FAM217B: variants seen among roughly 807,000 people sequenced by gnomAD.
The protein encoded by FAM217B is protein FAM217B.
For missense variants in FAM217B, 463 were observed against 456.9 expected, an observed-to-expected ratio of 1.01 and a Z score of -0.12; for synonymous variants, 163 against 173.0, an observed-to-expected ratio of 0.94 and a Z score of 0.45.
In FAM217B at chr20:59,945,403, C is replaced by G. The variant is rs905022630; in HGVS notation, c.*308C>G. The G allele has an allele frequency of 3.6e-6, 1 of 279,436 alleles. No individual in the cohort carries two copies. Among genetic ancestry groups the G allele is most frequent in the African/African-American group, 2.3e-5 (1 of 44,080 alleles). 17.3% of individuals were successfully genotyped at this position (279,436 alleles called of 1,614,324 possible). On this transcript the variant is annotated 3_prime_UTR_variant, in exon 4 of 4. Transcript: ENST00000360816. ...TCCAGGGAAAGTGTCAGTGAAACCT[C>G]AGCTACAGTAGCCGGTCTGTGTAGA... is the stretch of plus-strand genomic sequence containing the variant.
Position 59,946,896 on chromosome 20 carries a change from CT to C in FAM217B, c.*1807del. On this transcript the variant is annotated 3_prime_UTR_variant, in exon 4 of 4. Transcript: ENST00000360816. ...GATGTCTGTGTGTTCCTTGCCTGCCCTTTTTTGTGAGCACAGATTAGTCTGT... is the reference window on the plus strand; with the variant it reads ...GATGTCTGTGTGTTCCTTGCCTGCCCTTTTTGTGAGCACAGATTAGTCTGT... The C allele has an allele frequency of 6.0e-6, 1 of 167,150 alleles. No individual in the cohort carries two copies. 10.4% of individuals were successfully genotyped at this position (167,150 alleles called of 1,614,324 possible).
At chr20:59,939,903 A>G, upstream of FAM217B, 2 of 1,253,098 alleles carry the variant, frequency 1.6e-6, no homozygotes, top group Non-Finnish European at 2.0e-6. Flanking sequence ...GGCGCTAGGC[A>G]GGACCGCGGA....
At chr20:59,938,794 C>A (rs908337797), upstream of FAM217B, 6 of 387,332 alleles carry the variant, frequency 1.5e-5, no homozygotes, top group African/African-American at 1.0e-4. Flanking sequence ...CACCCTGCCC[C>A]AACTCATTAC....
At chr20:59,939,368 G>T (rs571783929), upstream of FAM217B, 2 of 1,610,646 alleles carry the variant, frequency 1.2e-6, no homozygotes, top group South Asian at 1.1e-5. Flanking sequence ...TACCGCTGAT[G>T]CCAAGGTCCG....
chr20:59,937,850 T>C (rs1262754214), upstream of FAM217B: 2 of 152,482 alleles, frequency 1.3e-5, no homozygotes, highest in Non-Finnish European at 2.9e-5. Flanking sequence ...ATTTTAAAAC[T>C]GACAAACTAG....
rs2060938743 is a variant in FAM217B, at chr20:59,946,661, C to A, written c.*1566C>A. On this transcript the variant is annotated 3_prime_UTR_variant, in exon 4 of 4. Coordinates refer to ENST00000360816, the MANE Select transcript of FAM217B (RefSeq NM_022106.3). ...TTAATTTTCAGACTTGTACAAGTTC[C>A]TTCTTACATTCTTTCCCTCTCACAC... The A allele has an allele frequency of 6.0e-6, 1 of 166,938 alleles. No individual in the cohort carries two copies. Among genetic ancestry groups the A allele is most frequent in the African/African-American group, 2.4e-5 (1 of 41,408 alleles). 10.3% of individuals were successfully genotyped at this position (166,938 alleles called of 1,614,324 possible). A position where few individuals can be genotyped will look rare whatever the true frequency, so the allele number is the denominator to read the frequency against.
rs772026116 is a variant in FAM217B at position 59,944,265 on chromosome 20, T to C, written c.322T>C (p.Ser108Pro). The change falls in exon 4 of 4, where the codon TCT becomes CCT. Residue 108 changes from serine to proline, a missense_variant. Physicochemically the swap from Ser to Pro is moderately conservative, Grantham distance 74 (BLOSUM62 -1). Transcript: ENST00000360816. ...TTCGGAAAGAATTCCCATTCCTCCTTCTCCCCTCACACCTCCAGATCTCAA... is the reference window on the plus strand; with the variant it reads ...TTCGGAAAGAATTCCCATTCCTCCTCCTCCCCTCACACCTCCAGATCTCAA... Reference protein sequence around the residue: ...SDSERIPIPPSPLTPPDLNLR... With the variant: ...SDSERIPIPPPPLTPPDLNLR... 1.4e-5 allele frequency: 23 copies of C among 1,613,890 alleles called. No homozygotes were observed. Among genetic ancestry groups the C allele is most frequent in the Admixed American group, 3.3e-5 (2 of 59,980 alleles).
In FAM217B at chr20:59,944,959, G is replaced by A. The variant is rs2060928939; in HGVS notation, c.1016G>A (p.Cys339Tyr). 1 of 1,614,086 alleles carries A rather than the reference G, an allele frequency of 6.2e-7. No homozygotes were observed. Among genetic ancestry groups the A allele is most frequent in the Admixed American group, 1.7e-5 (1 of 60,006 alleles). Residue 339 changes from cysteine (C) to tyrosine (Y), a missense_variant, in exon 4 of 4, where the codon TGT becomes TAT. Transcript: ENST00000360816. Reference sequence around the variant, plus strand: ...GTGATTCTGGACTCAGCAGATTCCTGTAAGGCCTCCAAAACACAAGCACAT... The same window carrying A: ...GTGATTCTGGACTCAGCAGATTCCTATAAGGCCTCCAAAACACAAGCACAT... ...AAVILDSADS[C>Y]KASKTQAHAH...
upstream of FAM217B, chr20:59,939,712 A>T: frequency 7.6e-7 from 1 of 1,322,026 alleles, no homozygotes. Context: ...CTGGGCAGTG[A>T]GCGCGCCCGC....
At chr20:59,943,608 G>GT (rs1004507039) in intron 3 of FAM217B, among the ~76,000 whole-genome samples, 103 of 148,290 alleles carry the variant, frequency 6.9e-4, no homozygotes, top group Non-Finnish European at 1.1e-3. Context: ...CCAAACTAAT[G>GT]TTTTTTTTTT....
upstream of FAM217B, chr20:59,939,777 G>C: frequency 8.2e-7 from 1 of 1,223,824 alleles, no homozygotes; most frequent in South Asian, 4.1e-5. Context: ...TGGCGTTGGC[G>C]GCGGCGCGCG....
At chr20:59,941,902 G>A (rs1195109190) in intron 1 of FAM217B, among the ~76,000 whole-genome samples, 1 of 151,748 alleles carries the variant, frequency 6.6e-6, no homozygotes, top group African/African-American at 2.4e-5. Context: ...TTATACCTGT[G>A]TGTGAACAGG....
intron 3 of FAM217B, among the ~76,000 whole-genome samples, chr20:59,943,124 T>A (rs559200719): frequency 6.6e-6 from 1 of 152,292 alleles, no homozygotes; most frequent in African/African-American, 2.4e-5. Context: ...TCTTGGTAAA[T>A]AAATTGAAAA....
Position 59,944,460 on chromosome 20 carries a change from C to T in FAM217B, c.517C>T (p.Arg173Ter), listed in dbSNP as rs760313441. The change falls in exon 4 of 4, where the codon CGA (arginine) becomes TGA (stop). Residue 173 changes from arginine to a stop codon, truncating the protein, a stop_gained. Transcript: ENST00000360816. LOFTEE classifies it low-confidence loss of function (END_TRUNC). ...NAENKTEAVP[R>*]VGGLLGKYID... ...AGAGAACAAAACGGAAGCCGTGCCC[C>T]GAGTGGGAGGACTTCTTGGGAAGTA... 2.0e-5 allele frequency: 33 copies of T among 1,613,732 alleles called. No individual in the cohort carries two copies. The highest frequency in any genetic ancestry group is 2.6e-5 in the Non-Finnish European group (31 of 1,180,004).
chr20:59,936,579 T>C (rs929503545), upstream of FAM217B: 2 of 152,334 alleles, frequency 1.3e-5, no homozygotes, highest in Admixed American at 6.5e-5. Context: ...CCCCTAGAGC[T>C]TTCTTCATAC....
upstream of FAM217B, chr20:59,939,345 C>T: frequency 6.2e-7 from 1 of 1,611,198 alleles, no homozygotes; most frequent in Non-Finnish European, 8.5e-7. Context: ...GGCCACGTTG[C>T]ACACGCGCAC....
chr20:59,939,865 T>G (rs2060889135), upstream of FAM217B: 1 of 1,246,178 alleles, frequency 8.0e-7, no homozygotes, highest in African/African-American at 1.6e-5. Flanking sequence ...CAGCTGAGGC[T>G]CCGGGGGCCG....
At chr20:59,943,466 G>A (rs2060916656) in intron 3 of FAM217B, among the ~76,000 whole-genome samples, 1 of 152,102 alleles carries the variant, frequency 6.6e-6, no homozygotes, top group Admixed American at 6.5e-5. Context: ...TGATTAAACT[G>A]CAAAACTTGC....
chr20:59,944,672 G>A lies in FAM217B; in HGVS notation c.729G>A (p.Lys243=), dbSNP rs745801160. ...TACCTCACCAGGAAGGGGCTTCAAA[G>A]TCAGGCCCTTCCCGAAAGAAAGCTT... is the stretch of plus-strand genomic sequence containing the variant. ...KPLPHQEGAS[K]SGPSRKKAFH... Residue 243 remains lysine, a synonymous_variant, in exon 4 of 4, where the codon AAG becomes AAA. Transcript: ENST00000360816. The A allele has an allele frequency of 2.5e-6, 4 of 1,614,114 alleles. No individual in the cohort carries two copies. The South Asian group carries it at 4.4e-5, about 18-fold the overall frequency.
Sources: allele counts gnomAD v4.1 joint callset (sites outside exome capture counted in the v4.1 genomes callset), GRCh38; gene constraint gnomAD v4.1.1; transcripts MANE v1.5; gene names NCBI Gene and HGNC (gene_info 2026-07-23, HGNC 2026-07-21).